The following DYNC1I1 variants were observed in gnomAD, a reference collection of about 807,000 sequenced individuals.
DYNC1I1 encodes dynein cytoplasmic 1 intermediate chain 1, also known as cytoplasmic dynein 1 intermediate chain 1.
DYNC1I1 carries 43 observed loss-of-function variants against 86.6 expected under a neutral mutation model. That is an observed-to-expected ratio of 0.50 (90% CI 0.39 to 0.64). The LOEUF (loss-of-function observed/expected upper bound fraction) is 0.64. Ranked by LOEUF, DYNC1I1 falls within the 30% of genes least tolerant of loss-of-function variation. The pLI is 0.00. For synonymous variants in DYNC1I1, 262 were observed against 283.7 expected (o/e 0.92, Z 0.77); for missense variants, 604 against 788.8 (o/e 0.77, Z 2.81).
At chr7:96,097,272 T>C (rs1432063187) in intron 16 of DYNC1I1, among the ~76,000 whole-genome samples, 4 of 152,206 alleles carry the variant, frequency 2.6e-5, no homozygotes, top group Non-Finnish European at 5.9e-5. Context: ...TGAGTGCTTT[T>C]GCTTCCAAGA....
chr7:95,774,748 G>A (rs1793798600), intron 1 of DYNC1I1, among the ~76,000 whole-genome samples: 1 of 152,138 alleles, frequency 6.6e-6, no homozygotes, highest in African/African-American at 2.4e-5. Context: ...CTGAGTCAAG[G>A]ATCCAGCCTG....
intron 4 of DYNC1I1, among the ~76,000 whole-genome samples, chr7:95,816,956 A>G (rs1794960669): frequency 2.6e-5 from 4 of 152,226 alleles, no homozygotes; most frequent in Admixed American, 2.6e-4. Flanking sequence ...CTTTTTATAC[A>G]TAAGAGTGAA....
intron 16 of DYNC1I1, among the ~76,000 whole-genome samples, chr7:96,109,385 T>C: frequency 8.3e-6 from 1 of 121,146 alleles, no homozygotes; most frequent in Non-Finnish European, 1.6e-5. Flanking sequence ...CACAACAGTC[T>C]CGTTGACTTC....
intron 5 of DYNC1I1, among the ~76,000 whole-genome samples, chr7:95,836,134 C>T (rs1186996802): frequency 7.2e-5 from 11 of 151,894 alleles, no homozygotes; most frequent in African/African-American, 1.7e-4. Context: ...CCATGTTTAG[C>T]GCTTCCTTCA....
intron 6 of DYNC1I1, among the ~76,000 whole-genome samples, chr7:95,894,633 C>G (rs1404486263): frequency 3.9e-5 from 6 of 152,146 alleles, no homozygotes; most frequent in Non-Finnish European, 8.8e-5. Flanking sequence ...TATAACTAGG[C>G]TCAAACACAT....
intron 6 of DYNC1I1, among the ~76,000 whole-genome samples, chr7:95,934,140 A>G (rs1256785180): frequency 1.3e-5 from 2 of 152,168 alleles, no homozygotes; most frequent in Non-Finnish European, 2.9e-5. Flanking sequence ...TAAAAACTGC[A>G]TGGAGACAGG....
In DYNC1I1 at chr7:96,035,721, G is replaced by A. The variant is rs1794913378; in HGVS notation, c.1333G>A (p.Gly445Ser). 4 of 1,611,034 alleles carry A rather than the reference G, an allele frequency of 2.5e-6. No homozygotes were observed. Among genetic ancestry groups the A allele is most frequent in the Non-Finnish European group, 2.5e-6 (3 of 1,178,834 alleles). The change falls in exon 13 of 17, where the codon GGT becomes AGT. Residue 445 changes from glycine to serine, a missense_variant. Coordinates refer to ENST00000447467, the MANE Select transcript of DYNC1I1 (RefSeq NM_001135556.2). ...TAACTTCGTGGTTGGCAGTGAGGAAGGTACAGTCTACACGGCTTGTCGTCA... is the reference window on the plus strand; with the variant it reads ...TAACTTCGTGGTTGGCAGTGAGGAAAGTACAGTCTACACGGCTTGTCGTCA... ...VNNFVVGSEE[G>S]TVYTACRHGS...
At chr7:95,900,912 T>C (rs1327690870) in intron 6 of DYNC1I1, among the ~76,000 whole-genome samples, 2 of 152,232 alleles carry the variant, frequency 1.3e-5, no homozygotes, top group African/African-American at 2.4e-5. Flanking sequence ...GTGTATTTAA[T>C]GAAAGATTTT....
At chr7:96,030,000 T>C (rs1794769684) in intron 11 of DYNC1I1, among the ~76,000 whole-genome samples, 1 of 152,028 alleles carries the variant, frequency 6.6e-6, no homozygotes, top group African/African-American at 2.4e-5. Context: ...GTTGTTGTTG[T>C]TTTGGTTTTT....
chr7:96,022,787 C>T (rs1199064822), intron 10 of DYNC1I1, among the ~76,000 whole-genome samples: 1 of 151,900 alleles, frequency 6.6e-6, no homozygotes, highest in Non-Finnish European at 1.5e-5. Context: ...ATCACTTGAG[C>T]CTGGGAGCTC....
intron 4 of DYNC1I1, chr7:95,818,395 G>A (rs1290075988): frequency 1.0e-5 from 5 of 501,330 alleles, no homozygotes; most frequent in Admixed American, 5.9e-5. Flanking sequence ...TCGAATTCCC[G>A]GGATCAAGCT....
intron 14 of DYNC1I1, among the ~76,000 whole-genome samples, chr7:96,058,181 G>A (rs182333270): frequency 2.6e-5 from 4 of 152,138 alleles, no homozygotes; most frequent in South Asian, 2.1e-4. Context: ...CTCTATCCTC[G>A]TAGTCAAAAG....
chr7:96,098,326 A>G lies in DYNC1I1; in HGVS notation c.*733A>G, dbSNP rs992999190. ...GTACTTTAACAATATTTCAAATATCATTGACCACTAATACTTCTCACTGAA... is the reference window on the plus strand; with the variant it reads ...GTACTTTAACAATATTTCAAATATCGTTGACCACTAATACTTCTCACTGAA... On this transcript the variant is annotated 3_prime_UTR_variant, in exon 17 of 17. Coordinates refer to ENST00000447467, the MANE Select transcript of DYNC1I1 (RefSeq NM_001135556.2). 9.1e-6 allele frequency: 9 copies of G among 985,742 alleles called. No homozygotes were observed. Among genetic ancestry groups the G allele is most frequent in the African/African-American group, 1.7e-5 (1 of 57,256 alleles). The allele number at this position is 985,742 out of a possible 1,614,324, so 61.1% of individuals were successfully genotyped here.
intron 10 of DYNC1I1, among the ~76,000 whole-genome samples, chr7:95,998,919 G>A (rs990134379): frequency 4.6e-5 from 7 of 152,192 alleles, no homozygotes; most frequent in African/African-American, 1.7e-4. Context: ...AAAGATTTTA[G>A]TATATAGTTT....
At chr7:95,852,995 A>G (rs915366838) in intron 5 of DYNC1I1, among the ~76,000 whole-genome samples, 8 of 151,880 alleles carry the variant, frequency 5.3e-5, no homozygotes, top group Admixed American at 4.6e-4. Context: ...AAATTTTTAC[A>G]TTTCTCTTTT....
Position 96,052,733 on chromosome 7 carries a change from A to G in DYNC1I1, c.1509+13312A>G, listed in dbSNP as rs140850483. On this transcript the variant is annotated intron_variant, in intron 14 of 16. Coordinates refer to ENST00000447467, the MANE Select transcript of DYNC1I1 (RefSeq NM_001135556.2). The stretch of plus-strand genomic sequence containing the variant: ...ACAAGGTGACTGGAACAGAATAATG[A>G]AAGGACAGCTCTCGGGACAAAATGG... Among the ~76,000 whole-genome samples the G allele has an allele frequency of 9.2e-5, 14 of 152,290 alleles. 1 individual carries two copies. The East Asian group carries it at 2.5e-3, about 27-fold the overall frequency.
intron 6 of DYNC1I1, among the ~76,000 whole-genome samples, chr7:95,947,596 C>T (rs1404636220): frequency 2.0e-5 from 3 of 152,070 alleles, no homozygotes; most frequent in African/African-American, 7.2e-5. Flanking sequence ...ATGTGTGTTA[C>T]TCACTCCACC....
chr7:96,003,569 C>T (rs368644752), intron 10 of DYNC1I1, among the ~76,000 whole-genome samples: 1 of 152,132 alleles, frequency 6.6e-6, no homozygotes, highest in East Asian at 1.9e-4. Context: ...ACAACATTTT[C>T]ATATAGGCAA....
intron 6 of DYNC1I1, among the ~76,000 whole-genome samples, chr7:95,930,206 C>T (rs1448205050): frequency 6.6e-6 from 1 of 152,142 alleles, no homozygotes; most frequent in African/African-American, 2.4e-5. Flanking sequence ...CTTTTGGGCA[C>T]AGTGGTGTTC....
Sources: allele counts gnomAD v4.1 joint callset (sites outside exome capture counted in the v4.1 genomes callset), GRCh38; gene constraint gnomAD v4.1.1; transcripts MANE v1.5; gene names NCBI Gene and HGNC (gene_info 2026-07-23, HGNC 2026-07-21).